The following CTNNA3 variants were observed in gnomAD, a reference collection of about 807,000 sequenced individuals.
The protein encoded by CTNNA3 is catenin alpha 3.
A neutral mutation model predicts 95.7 loss-of-function variants in CTNNA3; 76 were observed. The observed-to-expected ratio is 0.79, with a 90% CI of 0.66 to 0.96. The LOEUF (loss-of-function observed/expected upper bound fraction) is 0.96, where lower values mean the gene tolerates loss of function less well. Ranked by LOEUF, CTNNA3 falls within the 40% of genes least tolerant of loss-of-function variation. CTNNA3 has a pLI of 0.00. For missense variants in CTNNA3, 1,191 were observed against 1,089.8 expected, an observed-to-expected ratio of 1.09 and a Z score of -1.31; for synonymous variants, 431 against 374.4, an observed-to-expected ratio of 1.15 and a Z score of -1.74.
At position 67,606,882 on chromosome 10, in the gene CTNNA3, A is replaced by G. The variant is rs1222653925; in HGVS notation, c.267T>C (p.Ala89=). The change falls in exon 3 of 18, where the codon GCT becomes GCC. Residue 89 remains alanine (A), a synonymous_variant. Coordinates refer to ENST00000433211, the MANE Select transcript of CTNNA3 (RefSeq NM_013266.4). ...TTTCTTTGCGAACTTCCTCAAGTGA[A>G]GCCGTAAGCTCATCCTTTAAAACTG... ...EATVLKDELT[A]SLEEVRKESE... is the part of the protein sequence containing the mutation. The G allele has an allele frequency of 6.2e-7, 1 of 1,613,616 alleles. No individual in the cohort carries two copies. The highest frequency in any genetic ancestry group is 1.1e-5 in the South Asian group (1 of 90,952).
At chr10:67,045,262 G>A (rs1854654227) in intron 7 of CTNNA3, among the ~76,000 whole-genome samples, 1 of 152,096 alleles carries the variant, frequency 6.6e-6, no homozygotes, top group Non-Finnish European at 1.5e-5. Flanking sequence ...TGTGACAGTA[G>A]AGTATAAACA....
At chr10:66,920,775 T>C (rs4746649) in intron 7 of CTNNA3, among the ~76,000 whole-genome samples, 52,186 of 152,164 alleles carry the variant, frequency 0.34, 10,693 homozygotes, top group South Asian at 0.53. Flanking sequence ...TCACCATCCC[T>C]AGGGTTGCTT....
intron 10 of CTNNA3, among the ~76,000 whole-genome samples, chr10:66,555,663 C>A (rs1842367793): frequency 6.6e-6 from 1 of 152,010 alleles, no homozygotes; most frequent in Non-Finnish European, 1.5e-5. Flanking sequence ...TTTTTTCCAG[C>A]TATTTTAGTT....
chr10:67,454,370 T>C (rs963074116), intron 5 of CTNNA3, among the ~76,000 whole-genome samples: 3 of 152,166 alleles, frequency 2.0e-5, no homozygotes, highest in African/African-American at 7.2e-5. Context: ...ATAAACATGC[T>C]GAAAACAAGT....
intron 5 of CTNNA3, among the ~76,000 whole-genome samples, chr10:67,277,831 C>A (rs956601439): frequency 2.6e-5 from 4 of 152,158 alleles, no homozygotes; most frequent in Admixed American, 1.3e-4. Flanking sequence ...GGAAGTTACA[C>A]TGTCTGGTTT....
At chr10:66,899,417 A>C (rs1845631308) in intron 7 of CTNNA3, among the ~76,000 whole-genome samples, 1 of 152,220 alleles carries the variant, frequency 6.6e-6, no homozygotes, top group African/African-American at 2.4e-5. Flanking sequence ...AAATAGGAAC[A>C]GCTCCGGTCG....
intron 7 of CTNNA3, among the ~76,000 whole-genome samples, chr10:67,063,535 G>A (rs1227964866): frequency 6.6e-6 from 1 of 152,206 alleles, no homozygotes; most frequent in African/African-American, 2.4e-5. Context: ...AGGTTTAAAT[G>A]GGGAGGTTAT....
chr10:67,534,061 A>C (rs912851824), intron 4 of CTNNA3, among the ~76,000 whole-genome samples: 2 of 149,688 alleles, frequency 1.3e-5, no homozygotes, highest in African/African-American at 4.9e-5. Flanking sequence ...TCAGGAGGGA[A>C]AAAAAAAAAG....
chr10:66,433,397 C>T (rs2093312815), intron 11 of CTNNA3, among the ~76,000 whole-genome samples: 1 of 152,136 alleles, frequency 6.6e-6, no homozygotes, highest in South Asian at 2.1e-4. Flanking sequence ...CTCTAATGAT[C>T]AGTGATAACA....
intron 17 of CTNNA3, among the ~76,000 whole-genome samples, chr10:65,966,288 T>C (rs761849713): frequency 6.6e-6 from 1 of 152,196 alleles, no homozygotes; most frequent in Non-Finnish European, 1.5e-5. Flanking sequence ...AGAAAAATTA[T>C]AGGATTCATT....
At chr10:66,401,020 A>T (rs1170036786) in intron 11 of CTNNA3, among the ~76,000 whole-genome samples, 1 of 152,144 alleles carries the variant, frequency 6.6e-6, no homozygotes, top group Non-Finnish European at 1.5e-5. Flanking sequence ...ATAGAGAAGC[A>T]ATCAGATAAA....
chr10:67,726,355 T>TAACATATTAC (rs1841216667), intron 1 of CTNNA3, among the ~76,000 whole-genome samples: 1 of 42,866 alleles, frequency 2.3e-5, no homozygotes, highest in South Asian at 1.1e-3. Context: ...ATATGATATA[T>TAACATATTAC]ATGATATAAT....
intron 16 of CTNNA3, among the ~76,000 whole-genome samples, chr10:65,976,597 T>G (rs1163109035): frequency 6.6e-6 from 1 of 152,156 alleles, no homozygotes; most frequent in Non-Finnish European, 1.5e-5. Context: ...ATAACCAAAG[T>G]AAAACAAAAT....
At chr10:66,001,231 A>T (rs2078764529) in intron 15 of CTNNA3, among the ~76,000 whole-genome samples, 1 of 152,022 alleles carries the variant, frequency 6.6e-6, no homozygotes, top group Admixed American at 6.6e-5. Flanking sequence ...TTGAGATATT[A>T]TTACTTCTTT....
chr10:66,884,315 G>C (rs1844959825), intron 7 of CTNNA3, among the ~76,000 whole-genome samples: 2 of 152,116 alleles, frequency 1.3e-5, no homozygotes, highest in Non-Finnish European at 2.9e-5. Context: ...CTCCCTTCAA[G>C]AGTGGAGCTT....
intron 10 of CTNNA3, among the ~76,000 whole-genome samples, chr10:66,584,217 A>G (rs1262115479): frequency 6.6e-6 from 1 of 151,846 alleles, no homozygotes; most frequent in Non-Finnish European, 1.5e-5. Flanking sequence ...CTGAAATTTA[A>G]GTCTAGTGTT....
chr10:67,694,858 A>C (rs1840933742), intron 1 of CTNNA3, among the ~76,000 whole-genome samples: 1 of 152,154 alleles, frequency 6.6e-6, no homozygotes, highest in Non-Finnish European at 1.5e-5. Flanking sequence ...TTTTATAATG[A>C]AAAAAAGTTT....
At chr10:66,931,903 G>T (rs1046761901) in intron 7 of CTNNA3, among the ~76,000 whole-genome samples, 1 of 152,066 alleles carries the variant, frequency 6.6e-6, no homozygotes, top group Non-Finnish European at 1.5e-5. Context: ...TATTAAAGGG[G>T]TTAATATTTT....
intron 3 of CTNNA3, among the ~76,000 whole-genome samples, chr10:67,551,715 A>T (rs538057999): frequency 6.6e-6 from 1 of 152,274 alleles, no homozygotes; most frequent in Non-Finnish European, 1.5e-5. Flanking sequence ...GCACTGAAGA[A>T]GCGAGCCACA....
Sources: gnomAD v4.1 joint callset for allele counts (sites outside exome capture counted in the v4.1 genomes callset) on GRCh38, gnomAD v4.1.1 for gene constraint, MANE v1.5 for transcripts, NCBI Gene and HGNC (gene_info 2026-07-23, HGNC 2026-07-21) for gene names.